The following GBF1 variants were observed in gnomAD, a reference collection of about 807,000 sequenced individuals.
GBF1 encodes the protein golgi brefeldin A resistant guanine nucleotide exchange factor 1, also known as Golgi-specific brefeldin A-resistance guanine nucleotide exchange factor 1.
A neutral mutation model predicts 210.5 loss-of-function variants in GBF1; 114 were observed. The ratio of observed to expected loss-of-function variants is 0.54; its 90% CI spans 0.47 to 0.63. The LOEUF is 0.63. Ranked by LOEUF, GBF1 falls within the 30% of genes least tolerant of loss-of-function variation. GBF1 has a pLI of 0.00. For synonymous variants in GBF1, 850 were observed against 889.2 expected, an observed-to-expected ratio of 0.96 and a Z score of 0.78; for missense variants, 1,851 against 2,357.7, an observed-to-expected ratio of 0.79 and a Z score of 4.45.
At chr10:102,237,440 T>G in the GBF1 span, among the ~76,000 whole-genome samples, 358 of 151,994 alleles carry the variant, frequency 2.4e-3, 1 homozygote, top group African/African-American at 8.2e-3. Flanking sequence ...CCACGGGAGA[T>G]CTGCAGAGAG....
At chr10:102,364,123 A>G (rs536636609) in intron 17 of GBF1, among the ~76,000 whole-genome samples, 2 of 152,162 alleles carry the variant, frequency 1.3e-5, no homozygotes, top group South Asian at 2.1e-4. Context: ...AGCTCTTGCA[A>G]GATGATTGGC....
intron 3 of GBF1, among the ~76,000 whole-genome samples, chr10:102,330,063 G>A (rs2057224201): frequency 6.6e-6 from 1 of 152,144 alleles, no homozygotes; most frequent in Admixed American, 6.6e-5. Context: ...TTGAGCCTAG[G>A]ACTTTGAGTT....
intron 3 of GBF1, among the ~76,000 whole-genome samples, chr10:102,283,137 T>G (rs1391255411): frequency 6.6e-6 from 1 of 152,174 alleles, no homozygotes; most frequent in African/African-American, 2.4e-5. Flanking sequence ...AAAGGTAACT[T>G]TTAAAGTACT....
intron 1 of GBF1, among the ~76,000 whole-genome samples, chr10:102,252,839 C>A (rs2071748243): frequency 6.6e-6 from 1 of 151,292 alleles, no homozygotes; most frequent in Non-Finnish European, 1.5e-5. Flanking sequence ...AGAATGAGAC[C>A]CTGTTTCAAA....
At chr10:102,257,578 T>C (rs1202942290) in intron 1 of GBF1, among the ~76,000 whole-genome samples, 1 of 151,710 alleles carries the variant, frequency 6.6e-6, no homozygotes, top group African/African-American at 2.4e-5. Flanking sequence ...ATTCCCAAAG[T>C]GCTGGGATTG....
chr10:102,380,318 G>A lies in GBF1; in HGVS notation c.4948G>A (p.Asp1650Asn). 6 of 1,614,002 alleles carry A rather than the reference G, an allele frequency of 3.7e-6. No homozygotes were observed. Among genetic ancestry groups the A allele is most frequent in the Non-Finnish European group, 5.1e-6 (6 of 1,179,952 alleles). ...TGCGGCCCTCTGGCTCACCATCTTG[G>A]ACTTCATGGACAAGTACATGCACGC... is the stretch of plus-strand genomic sequence containing the variant. ...TFAALWLTIL[D>N]FMDKYMHAGS... Residue 1650 changes from aspartate (D) to asparagine (N), a missense_variant, in exon 37 of 40, where the codon GAC becomes AAC. This residue lies in a region of GBF1 where 967 missense variants were observed against 1,247.7 expected (regional missense o/e 0.78). Transcript: ENST00000369983.
chr10:102,340,266 C>CTTT (rs1565129960), intron 3 of GBF1, among the ~76,000 whole-genome samples: 1 of 123,664 alleles, frequency 8.1e-6, no homozygotes, highest in Non-Finnish European at 1.8e-5. Context: ...CTGGTCCATG[C>CTTT]CTTTTTTTTT....
At chr10:102,348,519 A>T (rs1164989947) in intron 4 of GBF1, among the ~76,000 whole-genome samples, 2 of 152,258 alleles carry the variant, frequency 1.3e-5, no homozygotes, top group Non-Finnish European at 2.9e-5. Flanking sequence ...ACTGAGAAGG[A>T]CCTGGGTTTC....
chr10:102,323,761 T>A (rs1389758842), intron 3 of GBF1, among the ~76,000 whole-genome samples: 1 of 152,174 alleles, frequency 6.6e-6, no homozygotes, highest in Non-Finnish European at 1.5e-5. Context: ...TTCATTGTCA[T>A]AAATAGGAAT....
At chr10:102,249,018 TTC>T (rs1451788484) in intron 1 of GBF1, among the ~76,000 whole-genome samples, 1 of 152,216 alleles carries the variant, frequency 6.6e-6, no homozygotes, top group East Asian at 1.9e-4. Flanking sequence ...TGACCACTCT[TTC>T]TATTTTTCAG....
At chr10:102,311,841 C>CA (rs1325481387) in intron 3 of GBF1, among the ~76,000 whole-genome samples, 1 of 152,164 alleles carries the variant, frequency 6.6e-6, no homozygotes, top group East Asian at 1.9e-4. Context: ...ATTTCCCCAG[C>CA]AAATAAGAGT....
chr10:102,237,481 G>A, the GBF1 span, among the ~76,000 whole-genome samples: 5 of 152,112 alleles, frequency 3.3e-5, no homozygotes, highest in African/African-American at 1.2e-4. Flanking sequence ...GCCTCCAATG[G>A]GGGACAAGGG....
intron 3 of GBF1, among the ~76,000 whole-genome samples, chr10:102,308,627 A>C (rs1026374759): frequency 6.6e-6 from 1 of 151,858 alleles, no homozygotes; most frequent in African/African-American, 2.4e-5. Context: ...TCGCAAGGAC[A>C]AAAAACCAAA....
chr10:102,256,807 C>T (rs770251564), intron 1 of GBF1, among the ~76,000 whole-genome samples: 13 of 152,194 alleles, frequency 8.5e-5, no homozygotes, highest in Non-Finnish European at 1.9e-4. Context: ...CCACAGTGCC[C>T]GACCTTCTTG....
intron 15 of GBF1, 68 bp downstream of exon 15, chr10:102,362,732 GT>G: frequency 1.6e-6 from 2 of 1,268,254 alleles, no homozygotes; most frequent in Non-Finnish European, 2.3e-6. Context: ...TCTCTGAGTC[GT>G]TTTTCCTGTC....
the GBF1 span, among the ~76,000 whole-genome samples, chr10:102,235,403 AG>A: frequency 6.6e-6 from 1 of 152,116 alleles, no homozygotes; most frequent in Non-Finnish European, 1.5e-5. Context: ...TATAGCCCAA[AG>A]AAATTAGGTT....
chr10:102,317,830 G>C (rs2055965003), intron 3 of GBF1, among the ~76,000 whole-genome samples: 1 of 151,976 alleles, frequency 6.6e-6, no homozygotes, highest in African/African-American at 2.4e-5. Context: ...AAGATCTAAT[G>C]ATATTATTCA....
chr10:102,379,105 T>G (rs1048579341), intron 33 of GBF1, among the ~76,000 whole-genome samples, 179 bp from the exon 34 acceptor site: 1 of 152,098 alleles, frequency 6.6e-6, no homozygotes, highest in African/African-American at 2.4e-5. Flanking sequence ...GAGAGTCCTT[T>G]ACAAGGACTG....
At chr10:102,240,235 T>C in the GBF1 span, among the ~76,000 whole-genome samples, 1 of 152,244 alleles carries the variant, frequency 6.6e-6, no homozygotes, top group African/African-American at 2.4e-5. Context: ...TGTTTTCCCA[T>C]TGCCTTTTGT....
Sources: allele counts gnomAD v4.1 joint callset (sites outside exome capture counted in the v4.1 genomes callset), GRCh38; gene constraint gnomAD v4.1.1; regional missense constraint gnomAD v4.1.1; transcripts MANE v1.5; gene names NCBI Gene and HGNC (gene_info 2026-07-23, HGNC 2026-07-21).